The following KCNQ3 variants were observed in gnomAD, a reference collection of about 807,000 sequenced individuals.
The protein encoded by KCNQ3 is potassium voltage-gated channel subfamily KQT member 3.
A neutral mutation model predicts 92.5 loss-of-function variants in KCNQ3; 30 were observed. The observed-to-expected ratio is 0.32, with a 90% CI of 0.24 to 0.44. The LOEUF is 0.44. Among genes scored for constraint, KCNQ3 ranks in the 20% least tolerant of loss-of-function variants. The probability of loss-of-function intolerance (pLI) is 1.00; values close to 1 mark genes in which losing one functional copy is unlikely to be tolerated. For missense variants in KCNQ3, 913 were observed against 1,140.3 expected, an observed-to-expected ratio of 0.80 and a Z score of 2.87; for synonymous variants, 450 against 468.8, an observed-to-expected ratio of 0.96 and a Z score of 0.52.
rs1586749304 is a variant in KCNQ3, at chr8:132,129,067, G to A, written c.*195C>T. The A allele has an allele frequency of 4.8e-6, 3 of 620,978 alleles. No homozygotes were observed. Among genetic ancestry groups the A allele is most frequent in the Non-Finnish European group, 2.8e-6 (1 of 353,386 alleles). 38.5% of individuals were successfully genotyped at this position (620,978 alleles called of 1,614,324 possible). ...AGTGTAAAGTCATGCAAACCATGCT[G>A]AAAAGGAAGCACTTTGTTGTGGTGA... On this transcript the variant is annotated 3_prime_UTR_variant, in exon 15 of 15. Coordinates refer to ENST00000388996, the MANE Select transcript of KCNQ3 (RefSeq NM_004519.4). The surrounding 1 kb of genome is among the most constrained non-coding windows in gnomAD (Gnocchi z 5.9).
chr8:132,166,921 T>C (rs1377596618), intron 8 of KCNQ3, among the ~76,000 whole-genome samples: 2 of 152,124 alleles, frequency 1.3e-5, no homozygotes, highest in South Asian at 4.1e-4. Context: ...CCAATCCTAC[T>C]CCTAGGCATA....
chr8:132,237,269 TATG>T (rs999405884), intron 1 of KCNQ3, among the ~76,000 whole-genome samples: 16 of 152,216 alleles, frequency 1.1e-4, no homozygotes, highest in African/African-American at 3.9e-4. Context: ...TGATGGTAGC[TATG>T]ATGATGATGA....
At chr8:132,469,956 G>A (rs976778431) in intron 1 of KCNQ3, among the ~76,000 whole-genome samples, 3 of 151,920 alleles carry the variant, frequency 2.0e-5, no homozygotes, top group Non-Finnish European at 4.4e-5. Flanking sequence ...AACCTCCCTT[G>A]AAGAAGTCTC....
At chr8:132,454,526 C>A (rs187639655) in intron 1 of KCNQ3, among the ~76,000 whole-genome samples, 1 of 151,998 alleles carries the variant, frequency 6.6e-6, no homozygotes, top group Non-Finnish European at 1.5e-5. Flanking sequence ...ATCTGTAAAA[C>A]GAGTACCTCC....
At chr8:132,479,756 C>T (rs1587059271) in intron 1 of KCNQ3, among the ~76,000 whole-genome samples, 1 of 151,998 alleles carries the variant, frequency 6.6e-6, no homozygotes, top group Non-Finnish European at 1.5e-5. Context: ...ACAGAGCTCA[C>T]GGGAGGACCC....
At chr8:132,276,869 T>C (rs1298764576) in intron 1 of KCNQ3, among the ~76,000 whole-genome samples, 4 of 152,142 alleles carry the variant, frequency 2.6e-5, no homozygotes, top group African/African-American at 9.7e-5. Flanking sequence ...CCAGTAATAA[T>C]AACACCTATT....
At position 132,128,686 on chromosome 8, in the gene KCNQ3, G is replaced by A. The variant is rs972193417; in HGVS notation, c.*576C>T. On this transcript the variant is annotated 3_prime_UTR_variant, in exon 15 of 15. Transcript: ENST00000388996. ...TTTTGGAGAGCTTTTAAAAGGTTTT[G>A]CCTTAAATATTTGTTTAAATTCTTT... is the stretch of plus-strand genomic sequence containing the variant. 2.6e-5 allele frequency: 4 copies of A among 155,286 alleles called. No individual in the cohort carries two copies. The highest frequency in any genetic ancestry group is 5.7e-5 in the Non-Finnish European group (4 of 69,964). 9.6% of individuals were successfully genotyped at this position (155,286 alleles called of 1,614,324 possible).
intron 1 of KCNQ3, among the ~76,000 whole-genome samples, chr8:132,234,907 G>A (rs1459646391): frequency 6.6e-6 from 1 of 152,170 alleles, no homozygotes; most frequent in Non-Finnish European, 1.5e-5. Flanking sequence ...GGTCTTCATT[G>A]CCTTGCCTCA....
At chr8:132,430,332 C>G (rs774457920) in intron 1 of KCNQ3, among the ~76,000 whole-genome samples, 1 of 152,146 alleles carries the variant, frequency 6.6e-6, no homozygotes, top group African/African-American at 2.4e-5. Flanking sequence ...AGGGCCCAAG[C>G]AATTCTCACA....
intron 1 of KCNQ3, among the ~76,000 whole-genome samples, chr8:132,445,051 C>T (rs192389715): frequency 1.1e-3 from 170 of 152,258 alleles, no homozygotes; most frequent in Middle Eastern, 3.4e-3. Context: ...GCTCTGCACC[C>T]GATCAATATC....
At chr8:132,186,323 T>G in intron 1 of KCNQ3, 142 bp from the exon 2 acceptor site, 1 of 686,502 alleles carries the variant, frequency 1.5e-6, no homozygotes, top group Non-Finnish European at 2.7e-6. Context: ...TCCCATTCAA[T>G]CTTCACGACA....
At chr8:132,155,140 C>G (rs563212159) in intron 9 of KCNQ3, among the ~76,000 whole-genome samples, 1 of 152,142 alleles carries the variant, frequency 6.6e-6, no homozygotes, top group Non-Finnish European at 1.5e-5. Flanking sequence ...CCAGCACCCC[C>G]GACACTACAT....
intron 1 of KCNQ3, among the ~76,000 whole-genome samples, chr8:132,212,247 A>G (rs1813884839): frequency 6.6e-6 from 1 of 152,032 alleles, no homozygotes; most frequent in Non-Finnish European, 1.5e-5. Flanking sequence ...AATTCCTGCA[A>G]TTCCTATGGC....
At chr8:132,319,877 G>A (rs1817850388) in intron 1 of KCNQ3, among the ~76,000 whole-genome samples, 1 of 152,196 alleles carries the variant, frequency 6.6e-6, no homozygotes, top group African/African-American at 2.4e-5. Context: ...AAAATGAAGT[G>A]TCTACTATGG....
At chr8:132,285,246 G>A (rs540796814) in intron 1 of KCNQ3, among the ~76,000 whole-genome samples, 2 of 152,166 alleles carry the variant, frequency 1.3e-5, no homozygotes, top group African/African-American at 2.4e-5. Flanking sequence ...GGTGATTCTG[G>A]TGAGAGCACA....
At chr8:132,260,357 G>C (rs1050402133) in intron 1 of KCNQ3, among the ~76,000 whole-genome samples, 1 of 152,114 alleles carries the variant, frequency 6.6e-6, no homozygotes, top group Non-Finnish European at 1.5e-5. Context: ...ACTAAACAAG[G>C]TTCTACGTGT....
chr8:132,292,029 G>T (rs1816849663), intron 1 of KCNQ3, among the ~76,000 whole-genome samples: 1 of 152,152 alleles, frequency 6.6e-6, no homozygotes, highest in Non-Finnish European at 1.5e-5. Context: ...GCCAGAAATT[G>T]TTCATTGCCC....
At chr8:132,154,235 C>CTTTTTT (rs1554624578) in intron 9 of KCNQ3, among the ~76,000 whole-genome samples, 1 of 66,040 alleles carries the variant, frequency 1.5e-5, no homozygotes. Flanking sequence ...GCCAATCAGG[C>CTTTTTT]TTTTTGCCCC....
chr8:132,289,407 C>A (rs2130550469), intron 1 of KCNQ3, among the ~76,000 whole-genome samples: 1 of 152,280 alleles, frequency 6.6e-6, no homozygotes, highest in South Asian at 2.1e-4. Flanking sequence ...AGAGCCAGCT[C>A]CCTATGGAAG....
Sources: gnomAD v4.1 joint callset for allele counts (sites outside exome capture counted in the v4.1 genomes callset) on GRCh38, gnomAD v4.1.1 for gene constraint, Gnocchi (gnomAD v3.1) non-coding constraint, MANE v1.5 for transcripts, NCBI Gene and HGNC (gene_info 2026-07-23, HGNC 2026-07-21) for gene names.